The following PRDM12 variants were observed in gnomAD, a reference collection of about 807,000 sequenced individuals.
The protein encoded by PRDM12 is PR/SET domain 12.
In PRDM12, 17 loss-of-function variants were observed where a neutral mutation model predicts 29.6. The observed-to-expected ratio is 0.57, with a 90% CI of 0.39 to 0.86. The LOEUF (loss-of-function observed/expected upper bound fraction) is 0.86, where lower values mean the gene tolerates loss of function less well. PRDM12 is among the 40% of genes least tolerant of loss of function. The pLI is 0.00. For missense variants in PRDM12, 422 were observed against 510.8 expected (o/e 0.83, Z 1.68); for synonymous variants, 231 against 225.8 (o/e 1.02, Z -0.21).
chr9:130,666,021 G>T (rs1287186865), intron 1 of PRDM12, among the ~76,000 whole-genome samples: 1 of 152,140 alleles, frequency 6.6e-6, no homozygotes, highest in Non-Finnish European at 1.5e-5. Flanking sequence ...ACTCGGGCGC[G>T]CCCGGGGTCA....
intron 4 of PRDM12, among the ~76,000 whole-genome samples, chr9:130,679,091 C>T (rs911094597): frequency 6.6e-6 from 1 of 152,164 alleles, no homozygotes; most frequent in African/African-American, 2.4e-5. Flanking sequence ...TTTCCTTGCC[C>T]TGTCGATGAT....
At chr9:130,678,475 C>A in intron 3 of PRDM12, 54 bp from the exon 4 acceptor site, 1 of 1,336,092 alleles carries the variant, frequency 7.5e-7, no homozygotes, top group Non-Finnish European at 1.1e-6. Context: ...AGACCCCCAA[C>A]TCTCACCTCC....
chr9:130,672,503 A>C (rs926027325), intron 3 of PRDM12, among the ~76,000 whole-genome samples: 1 of 152,182 alleles, frequency 6.6e-6, no homozygotes, highest in African/African-American at 2.4e-5. Context: ...ACTATTAAAA[A>C]ATAGAATCTG....
At chr9:130,679,369 G>A (rs1177711052) in intron 4 of PRDM12, among the ~76,000 whole-genome samples, 1 of 109,208 alleles carries the variant, frequency 9.2e-6, no homozygotes, top group African/African-American at 3.6e-5. Context: ...GTTTCACTCT[G>A]TCACCCAGGC....
intron 1 of PRDM12, among the ~76,000 whole-genome samples, chr9:130,665,930 C>G (rs1408931055): frequency 1.3e-5 from 2 of 152,232 alleles, no homozygotes; most frequent in Admixed American, 6.5e-5. Context: ...GGCTCCTCCC[C>G]GCCCAGAGAG....
rs996092103 is a variant in PRDM12, at chr9:130,682,798, A to G, written c.*1129A>G. 2.0e-5 allele frequency: 3 copies of G among 152,684 alleles called. No individual in the cohort carries two copies. The highest frequency in any genetic ancestry group is 4.8e-5 in the African/African-American group (2 of 41,468). The allele number at this position is 152,684 out of a possible 1,614,324, so 9.5% of individuals were successfully genotyped here. On this transcript the variant is annotated 3_prime_UTR_variant, in exon 5 of 5. Transcript: ENST00000253008. The surrounding 1 kb of genome is among the most constrained non-coding windows in gnomAD (Gnocchi z 4.2). Reference sequence around the variant, plus strand: ...AAACTATAATATTAATGAAAAGTATAAAATGTATAGAGTTTTCAAGAAACT... The same window carrying G: ...AAACTATAATATTAATGAAAAGTATGAAATGTATAGAGTTTTCAAGAAACT...
chr9:130,676,357 G>A (rs893067015), intron 3 of PRDM12, among the ~76,000 whole-genome samples: 3 of 152,122 alleles, frequency 2.0e-5, no homozygotes, highest in Non-Finnish European at 2.9e-5. Context: ...GGGCGTGGGT[G>A]TGGTGGCGGG....
rs186084437 is a variant in PRDM12, at chr9:130,677,889, C to T, written c.571-640C>T. On this transcript the variant is annotated intron_variant, in intron 3 of 4. Transcript: ENST00000253008. ...GGGGTTCTCTGTCATTGACCTAGGA[C>T]GCGGTGAACTGGACTCTGTGTAAGG... is the stretch of plus-strand genomic sequence containing the variant. Among the ~76,000 whole-genome samples the T allele has an allele frequency of 1.2e-3, 190 of 152,218 alleles. 1 individual carries two copies. The highest frequency in any genetic ancestry group is 4.2e-3 in the African/African-American group (175 of 41,534).
At chr9:130,676,178 G>A (rs1830840193) in intron 3 of PRDM12, among the ~76,000 whole-genome samples, 1 of 152,012 alleles carries the variant, frequency 6.6e-6, no homozygotes, top group Admixed American at 6.6e-5. Context: ...AAAAAAAGTA[G>A]AATTTTTAAA....
intron 3 of PRDM12, among the ~76,000 whole-genome samples, chr9:130,677,925 C>A (rs1418943711): frequency 1.3e-5 from 2 of 152,160 alleles, no homozygotes; most frequent in East Asian, 3.9e-4. Flanking sequence ...CAGTGTACCC[C>A]AATGTTTCCT....
chr9:130,678,109 C>T (rs919405893), intron 3 of PRDM12, among the ~76,000 whole-genome samples: 13 of 152,228 alleles, frequency 8.5e-5, no homozygotes, highest in Admixed American at 4.6e-4. Context: ...GCCAAGTACC[C>T]TGGGGTGCCC....
Position 130,668,386 on chromosome 9 carries a change from C to A in PRDM12, c.570+73C>A. 6.3e-7 allele frequency: 1 copy of A among 1,592,706 alleles called. No homozygotes were observed. Among genetic ancestry groups the A allele is most frequent in the Non-Finnish European group, 8.6e-7 (1 of 1,165,892 alleles). Reference sequence around the variant, plus strand: ...CGGCGGGGGGAGGTGTGCAGGGCAGCGGTGTCCAGGAACCACAGTGGACAG... The same window carrying A: ...CGGCGGGGGGAGGTGTGCAGGGCAGAGGTGTCCAGGAACCACAGTGGACAG... On this transcript the variant is annotated intron_variant, in intron 3 of 4. Transcript: ENST00000253008. The surrounding 1 kb of genome is among the most constrained non-coding windows in gnomAD (Gnocchi z 4.0).
chr9:130,680,619 C>A, intron 4 of PRDM12, among the ~76,000 whole-genome samples: 2 of 89,430 alleles, frequency 2.2e-5, no homozygotes, highest in South Asian at 4.4e-4. Flanking sequence ...AGGGAGACTC[C>A]GTCTAAAAAA....
chr9:130,681,261 G>A lies in PRDM12; in HGVS notation c.696G>A (p.Pro232=). ...QKKNKHEDFH[P]ADSAAGPAGR... ...CCCCGCGGCCAGAGGACTTCCACCC[G>A]GCGGACTCGGCGGCTGGCCCCGCGG... Residue 232 remains proline (P), a synonymous_variant, in exon 5 of 5, where the codon CCG becomes CCA. Coordinates refer to ENST00000253008, the MANE Select transcript of PRDM12 (RefSeq NM_021619.3). This position sits in a 1 kb window ranked among gnomAD's most constrained non-coding sequence, Gnocchi z 8.1. 2 of 1,465,554 alleles carry A rather than the reference G, an allele frequency of 1.4e-6. No homozygotes were observed. The highest frequency in any genetic ancestry group is 2.4e-4 in the Middle Eastern group (1 of 4,214). The allele number at this position is 1,465,554 out of a possible 1,614,324, so 90.8% of individuals were successfully genotyped here. A position where few individuals can be genotyped will look rare whatever the true frequency, so the allele number is the denominator to read the frequency against.
In PRDM12 at chr9:130,681,288, C is replaced by T. The variant is rs1271845535; in HGVS notation, c.723C>T (p.Gly241=). 4 of 1,500,894 alleles carry T rather than the reference C, an allele frequency of 2.7e-6. No individual in the cohort carries two copies. The highest frequency in any genetic ancestry group is 8.9e-7 in the Non-Finnish European group (1 of 1,118,998). The allele number at this position is 1,500,894 out of a possible 1,614,324, so 93.0% of individuals were successfully genotyped here. A position where few individuals can be genotyped will look rare whatever the true frequency, so the allele number is the denominator to read the frequency against. ...CGGACTCGGCGGCTGGCCCCGCGGG[C>T]CGCATGCGATGCGTCATCTGCCACC... ...HPADSAAGPA[G]RMRCVICHRG... The change falls in exon 5 of 5, where the codon GGC becomes GGT. Residue 241 remains glycine (G), a synonymous_variant. Transcript: ENST00000253008. The surrounding 1 kb of genome is among the most constrained non-coding windows in gnomAD (Gnocchi z 8.1).
chr9:130,679,853 G>A (rs186114179), intron 4 of PRDM12, among the ~76,000 whole-genome samples: 12 of 151,340 alleles, frequency 7.9e-5, no homozygotes, highest in Non-Finnish European at 1.6e-4. Flanking sequence ...GTAGAGATGG[G>A]GTCTCGCCAT....
At position 130,668,966 on chromosome 9, in the gene PRDM12, T is replaced by A. The variant is rs958872769; in HGVS notation, c.570+653T>A. On this transcript the variant is annotated intron_variant, in intron 3 of 4. Transcript: ENST00000253008. This position sits in a 1 kb window ranked among gnomAD's most constrained non-coding sequence, Gnocchi z 4.0. Reference sequence around the variant, plus strand: ...GGTTTTGCCGGCCATCTGGGGGGAGTGTTAGCACTAATAGCTGCGCTTCCT... The same window carrying A: ...GGTTTTGCCGGCCATCTGGGGGGAGAGTTAGCACTAATAGCTGCGCTTCCT... Among the ~76,000 whole-genome samples, 3 of 151,520 alleles carry A rather than the reference T, an allele frequency of 2.0e-5. No homozygotes were observed. Among genetic ancestry groups the A allele is most frequent in the African/African-American group, 4.9e-5 (2 of 41,170 alleles).
In PRDM12 at chr9:130,681,794, G is replaced by C; in HGVS notation, c.*125G>C. 1.1e-6 allele frequency: 1 copy of C among 877,714 alleles called. No homozygotes were observed. The highest frequency in any genetic ancestry group is 1.4e-6 in the Non-Finnish European group (1 of 731,852). 54.4% of individuals were successfully genotyped at this position (877,714 alleles called of 1,614,324 possible). On this transcript the variant is annotated 3_prime_UTR_variant, in exon 5 of 5. Transcript: ENST00000253008. This position sits in a 1 kb window ranked among gnomAD's most constrained non-coding sequence, Gnocchi z 8.1. ...CCGCCGCGGAGCCCCGCGCGCTGGG[G>C]TTGCGCCCCGGAGGCGGATCTCAGG...
At position 130,664,852 on chromosome 9, in the gene PRDM12, G is replaced by C; in HGVS notation, c.199G>C (p.Val67Leu). 1 of 1,545,842 alleles carries C rather than the reference G, an allele frequency of 6.5e-7. No individual in the cohort carries two copies. ...CCCCAAGACAGCCTTCACCGCCGAG[G>C]TGCTGGCGCAGTCCTTCTCCGGCGG... ...ASPKTAFTAE[V>L]LAQSFSGEVQ... is the part of the protein sequence containing the mutation. Residue 67 changes from valine (V) to leucine (L), a missense_variant, in exon 1 of 5, where the codon GTG (valine) becomes CTG (leucine). Around this residue, in one of 5 missense-constraint regions of PRDM12, gnomAD observed 300 missense variants for 350.0 expected, o/e 0.86. Coordinates refer to ENST00000253008, the MANE Select transcript of PRDM12 (RefSeq NM_021619.3). The surrounding 1 kb of genome is among the most constrained non-coding windows in gnomAD (Gnocchi z 6.4).
Sources: gnomAD v4.1 joint callset for allele counts (sites outside exome capture counted in the v4.1 genomes callset) on GRCh38, gnomAD v4.1.1 for gene constraint, gnomAD v4.1.1 regional missense constraint, Gnocchi (gnomAD v3.1) non-coding constraint, MANE v1.5 for transcripts, NCBI Gene and HGNC (gene_info 2026-07-23, HGNC 2026-07-21) for gene names.